The following SESTD1 variants were observed in gnomAD, a reference collection of about 807,000 sequenced individuals.
The protein encoded by SESTD1 is SEC14 and spectrin domain containing 1, also known as SEC14 domain and spectrin repeat-containing protein 1.
In SESTD1, 43 loss-of-function variants were observed where a neutral mutation model predicts 101.7. The ratio of observed to expected loss-of-function variants is 0.42; its 90% confidence interval spans 0.33 to 0.55. The LOEUF (loss-of-function observed/expected upper bound fraction) is 0.55, where lower values mean the gene tolerates loss of function less well. Ranked by LOEUF, SESTD1 falls within the 20% of genes least tolerant of loss-of-function variation. The pLI is 0.07. For missense variants in SESTD1, 647 were observed against 815.1 expected (o/e 0.79, Z 2.51); for synonymous variants, 283 against 286.8 (o/e 0.99, Z 0.13).
chr2:179,209,597 A>G (rs2046626831), intron 1 of SESTD1, among the ~76,000 whole-genome samples: 1 of 135,108 alleles, frequency 7.4e-6, no homozygotes, highest in Non-Finnish European at 1.6e-5. Flanking sequence ...CATTAAAACA[A>G]TCTGCTCCTG....
intron 5 of SESTD1, among the ~76,000 whole-genome samples, chr2:179,164,424 T>C (rs2105466264): frequency 6.6e-6 from 1 of 152,326 alleles, no homozygotes; most frequent in African/African-American, 2.4e-5. Context: ...GAGATCCCTT[T>C]GATAATTAAT....
intron 3 of SESTD1, among the ~76,000 whole-genome samples, chr2:179,177,296 GTTA>G (rs1369164902): frequency 6.6e-6 from 1 of 152,116 alleles, no homozygotes; most frequent in East Asian, 1.9e-4. Flanking sequence ...CATTATCATT[GTTA>G]TTATTATTGT....
At chr2:179,125,513 A>G (rs909307278) in intron 10 of SESTD1, among the ~76,000 whole-genome samples, 2 of 152,244 alleles carry the variant, frequency 1.3e-5, no homozygotes, top group Non-Finnish European at 2.9e-5. Context: ...CTAGGTGGAT[A>G]GCGCTCTCTC....
Position 179,101,856 on chromosome 2 carries a change from T to C in SESTD1, c.*8043A>G, listed in dbSNP as rs553618310. 7.9e-5 allele frequency: 12 copies of C among 152,272 alleles called. No individual in the cohort carries two copies. Among genetic ancestry groups the C allele is most frequent in the Non-Finnish European group, 1.6e-4 (11 of 67,996 alleles). 9.4% of individuals were successfully genotyped at this position (152,272 alleles called of 1,614,324 possible). On this transcript the variant is annotated 3_prime_UTR_variant, in exon 18 of 18. Transcript: ENST00000428443. ...ATGTCCATTAATAACAAATGTACAA[T>C]GTCTTCTATATATTTTTTTGCTTGT...
rs528460270 is a variant in SESTD1 at position 179,209,622 on chromosome 2, C to A, written c.-25-17756G>T. ...ATCTGCTCCTGAATGATCTTTTGGGCAACAATAAAATCAAGATAGAAAAAA... is the reference window on the plus strand; with the variant it reads ...ATCTGCTCCTGAATGATCTTTTGGGAAACAATAAAATCAAGATAGAAAAAA... On this transcript the variant is annotated intron_variant, in intron 1 of 17. Coordinates refer to ENST00000428443, the MANE Select transcript of SESTD1 (RefSeq NM_178123.5). Among the ~76,000 whole-genome samples, 25 of 134,522 alleles carry A rather than the reference C, an allele frequency of 1.9e-4. 6 individuals carry two copies. The highest frequency in any genetic ancestry group is 3.5e-4 in the Non-Finnish European group (22 of 62,444). 88.3% of individuals were successfully genotyped at this position (134,522 alleles called of 152,430 possible).
intron 1 of SESTD1, among the ~76,000 whole-genome samples, chr2:179,258,705 A>C (rs2047436885): frequency 6.6e-6 from 1 of 152,080 alleles, no homozygotes; most frequent in Admixed American, 6.5e-5. Context: ...ACACACACAC[A>C]CCACTATCAA....
intron 1 of SESTD1, among the ~76,000 whole-genome samples, chr2:179,256,302 TCCATTAAG>T (rs2047392473): frequency 6.6e-6 from 1 of 152,210 alleles, no homozygotes; most frequent in Admixed American, 6.5e-5. Flanking sequence ...CAATCTAGAC[TCCATTAAG>T]AACATTTGTG....
Position 179,105,839 on chromosome 2 carries a change from A to G in SESTD1, c.*4060T>C, listed in dbSNP as rs1217037593. The G allele has an allele frequency of 3.9e-5, 6 of 152,164 alleles. No individual in the cohort carries two copies. 9.4% of individuals were successfully genotyped at this position (152,164 alleles called of 1,614,324 possible). A position where few individuals can be genotyped will look rare whatever the true frequency, so the allele number is the denominator to read the frequency against. On this transcript the variant is annotated 3_prime_UTR_variant, in exon 18 of 18. Coordinates refer to ENST00000428443, the MANE Select transcript of SESTD1 (RefSeq NM_178123.5). ...TTTTGAAGCCAAGTATTCAAGCTCC[A>G]AACACTTTCCATTATATTCATTACA...
intron 5 of SESTD1, among the ~76,000 whole-genome samples, chr2:179,155,215 C>A (rs573734039): frequency 2.0e-5 from 3 of 152,006 alleles, no homozygotes; most frequent in Non-Finnish European, 4.4e-5. Context: ...CGCATCCGGC[C>A]CACAACTCTT....
rs1245297617 is a variant in SESTD1 at position 179,264,630 on chromosome 2, GGCGGCGGCAGCA to G, written c.-169_-158del. 6.6e-6 allele frequency: 1 copy of G among 152,414 alleles called. No homozygotes were observed. Among genetic ancestry groups the G allele is most frequent in the African/African-American group, 2.4e-5 (1 of 41,074 alleles). The allele number at this position is 152,414 out of a possible 1,614,324, so 9.4% of individuals were successfully genotyped here. A position where few individuals can be genotyped will look rare whatever the true frequency, so the allele number is the denominator to read the frequency against. ...GGCTGGGGGCGGAGCGGGCCCGGGC[GGCGGCGGCAGCA>G]GCGGCGACGGCTGCGGCTCCAGTCA... On this transcript the variant is annotated 5_prime_UTR_variant, in exon 1 of 18. Transcript: ENST00000428443.
rs1030682310 is a variant in SESTD1, at chr2:179,203,242, T to C, written c.-25-11376A>G. 1.0e-3 allele frequency among the ~76,000 whole-genome samples: 135 copies of C among 135,218 alleles called. 21 individuals carry two copies. The highest frequency in any genetic ancestry group is 2.2e-4 in the Non-Finnish European group (14 of 62,854). 88.7% of individuals were successfully genotyped at this position (135,218 alleles called of 152,430 possible). A position where few individuals can be genotyped will look rare whatever the true frequency, so the allele number is the denominator to read the frequency against. On this transcript the variant is annotated intron_variant, in intron 1 of 17. Transcript: ENST00000428443. ...TCTTGGCAGACAACCCTTTCTCTGC[T>C]GTGCTGCCCATTGCAACCTTGCAGC...
rs77152307 is a variant in SESTD1 at position 179,160,998 on chromosome 2, G to C, written c.370-9607C>G. Among the ~76,000 whole-genome samples, 315 of 151,354 alleles carry C rather than the reference G, an allele frequency of 2.1e-3. 1 individual carries two copies. The highest frequency in any genetic ancestry group is 3.6e-3 in the Non-Finnish European group (243 of 67,906). On this transcript the variant is annotated intron_variant, in intron 5 of 17. Coordinates refer to ENST00000428443, the MANE Select transcript of SESTD1 (RefSeq NM_178123.5). ...CCAGGCTGAAGGGCCACTGCACCTTGACTCTTCAGCTCAAGTGATCCTCCC... is the reference window on the plus strand; with the variant it reads ...CCAGGCTGAAGGGCCACTGCACCTTCACTCTTCAGCTCAAGTGATCCTCCC...
intron 10 of SESTD1, among the ~76,000 whole-genome samples, chr2:179,131,043 G>A (rs547218123): frequency 6.7e-6 from 1 of 148,432 alleles, no homozygotes; most frequent in African/African-American, 2.6e-5. Flanking sequence ...TTTTTTACAA[G>A]TACTAATTAG....
intron 1 of SESTD1, among the ~76,000 whole-genome samples, chr2:179,197,226 G>T (rs1428100260): frequency 1.3e-5 from 2 of 151,750 alleles, no homozygotes; most frequent in Non-Finnish European, 2.9e-5. Flanking sequence ...AAAATGAAAT[G>T]AATGAAATGA....
intron 1 of SESTD1, among the ~76,000 whole-genome samples, chr2:179,205,906 C>T (rs1574035404): frequency 7.5e-6 from 1 of 133,616 alleles, no homozygotes; most frequent in East Asian, 2.0e-4. Flanking sequence ...ATCACTGTAC[C>T]ACTAGGTCAA....
At chr2:179,253,054 T>C (rs1484947113) in intron 1 of SESTD1, among the ~76,000 whole-genome samples, 3 of 152,118 alleles carry the variant, frequency 2.0e-5, no homozygotes, top group Non-Finnish European at 2.9e-5. Context: ...CATAGGTGGC[T>C]AGGCTGACCT....
chr2:179,127,297 A>T (rs946633225), intron 10 of SESTD1, among the ~76,000 whole-genome samples: 2 of 152,162 alleles, frequency 1.3e-5, no homozygotes, highest in African/African-American at 4.8e-5. Flanking sequence ...TTTCTGATTA[A>T]ATGTCATCTC....
intron 1 of SESTD1, among the ~76,000 whole-genome samples, chr2:179,242,434 T>A (rs1471220069): frequency 6.6e-6 from 1 of 152,142 alleles, no homozygotes; most frequent in Non-Finnish European, 1.5e-5. Context: ...AAACAACCAA[T>A]GTCATTTTTC....
rs1355016333 is a variant in SESTD1 at position 179,200,967 on chromosome 2, C to T, written c.-25-9101G>A. Among the ~76,000 whole-genome samples, 4 of 133,930 alleles carry T rather than the reference C, an allele frequency of 3.0e-5. 1 individual carries two copies. Among genetic ancestry groups the T allele is most frequent in the Admixed American group, 7.2e-5 (1 of 13,866 alleles). The allele number at this position is 133,930 out of a possible 152,430, so 87.9% of individuals were successfully genotyped here. On this transcript the variant is annotated intron_variant, in intron 1 of 17. Transcript: ENST00000428443. ...AGCTTCTGCACAGCAAAAGAAACTA[C>T]CATCAGAGTGAACAGGCAACCTACA...
Sources: gnomAD v4.1 joint callset for allele counts (sites outside exome capture counted in the v4.1 genomes callset) on GRCh38, gnomAD v4.1.1 for gene constraint, MANE v1.5 for transcripts, NCBI Gene and HGNC (gene_info 2026-07-23, HGNC 2026-07-21) for gene names.